Variants in PKHD1 observed in about 807,000 individuals in gnomAD.
The protein encoded by PKHD1 is PKHD1 ciliary IPT domain containing fibrocystin/polyductin.
Under a neutral mutation model 412.0 loss-of-function variants are expected in PKHD1, and 291 were observed. That is an observed-to-expected ratio of 0.71 (90% CI 0.64 to 0.78). The LOEUF (loss-of-function observed/expected upper bound fraction) is 0.78. PKHD1 is among the 30% of genes least tolerant of loss of function. The pLI is 0.00. For missense variants in PKHD1, 4,825 were observed against 4,950.7 expected, an observed-to-expected ratio of 0.97 and a Z score of 0.76; for synonymous variants, 1,777 against 1,821.5, an observed-to-expected ratio of 0.98 and a Z score of 0.62.
At position 52,055,734 on chromosome 6, in the gene PKHD1, A is replaced by C. The variant is rs1279111490; in HGVS notation, c.1694-5T>G. 1 of 1,613,646 alleles carries C rather than the reference A, an allele frequency of 6.2e-7. No homozygotes were observed. Among genetic ancestry groups the C allele is most frequent in the East Asian group, 2.2e-5 (1 of 44,888 alleles). On this transcript the variant is annotated splice_polypyrimidine_tract_variant and splice_region_variant and intron_variant, in intron 18 of 66. Coordinates refer to ENST00000371117, the MANE Select transcript of PKHD1 (RefSeq NM_138694.4). Reference sequence around the variant, plus strand: ...CAGAGTTGGAAACTTCTGGGCCTGGATGCAGTTCAGATAAAATAGAAAGGC... The same window carrying C: ...CAGAGTTGGAAACTTCTGGGCCTGGCTGCAGTTCAGATAAAATAGAAAGGC...
intron 53 of PKHD1, among the ~76,000 whole-genome samples, chr6:51,779,871 T>C (rs1249431164): frequency 6.6e-6 from 1 of 151,994 alleles, no homozygotes; most frequent in Admixed American, 6.6e-5. Context: ...GATGGAAAAC[T>C]AGACCCACAA....
At chr6:51,910,587 A>G (rs1199269638) in intron 39 of PKHD1, among the ~76,000 whole-genome samples, 1 of 152,114 alleles carries the variant, frequency 6.6e-6, no homozygotes, top group African/African-American at 2.4e-5. Context: ...GCAATCAAGG[A>G]TGTTTTCCAT....
intron 52 of PKHD1, among the ~76,000 whole-genome samples, chr6:51,830,478 A>G (rs1478836927): frequency 2.6e-5 from 4 of 152,172 alleles, no homozygotes; most frequent in African/African-American, 9.7e-5. Flanking sequence ...AAATTCCCAA[A>G]GGCAAACCAT....
chr6:51,731,400 T>C (rs1783219445), intron 60 of PKHD1, among the ~76,000 whole-genome samples: 1 of 152,216 alleles, frequency 6.6e-6, no homozygotes, highest in African/African-American at 2.4e-5. Context: ...GAAATGTGAA[T>C]AGATTTCTCA....
At chr6:51,905,728 A>G (rs1158182742) in intron 41 of PKHD1, among the ~76,000 whole-genome samples, 1 of 152,158 alleles carries the variant, frequency 6.6e-6, no homozygotes, top group Non-Finnish European at 1.5e-5. Flanking sequence ...ATTTTTAAGG[A>G]TAATTCTGAG....
intron 43 of PKHD1, among the ~76,000 whole-genome samples, chr6:51,900,687 A>G (rs527741430): frequency 1.3e-5 from 2 of 151,794 alleles, no homozygotes; most frequent in South Asian, 4.2e-4. Context: ...TAATTAAACT[A>G]AAGAGCTTCT....
chr6:52,042,116 G>A (rs2128180796), intron 27 of PKHD1, among the ~76,000 whole-genome samples: 1 of 152,256 alleles, frequency 6.6e-6, no homozygotes, highest in East Asian at 1.9e-4. Context: ...AAATCATGGA[G>A]AAATAAGTGC....
intron 43 of PKHD1, among the ~76,000 whole-genome samples, chr6:51,899,228 C>T (rs75949852): frequency 1.3e-5 from 2 of 151,796 alleles, no homozygotes; most frequent in African/African-American, 2.4e-5. Flanking sequence ...GAGAACTTTA[C>T]ACCAATATCC....
intron 65 of PKHD1, among the ~76,000 whole-genome samples, chr6:51,629,314 A>T (rs1767649108): frequency 6.6e-6 from 1 of 152,154 alleles, no homozygotes; most frequent in Non-Finnish European, 1.5e-5. Context: ...CAAACTATGC[A>T]TCTGACAAAG....
intron 53 of PKHD1, among the ~76,000 whole-genome samples, chr6:51,778,615 T>C (rs1234100943): frequency 6.6e-6 from 1 of 152,052 alleles, no homozygotes; most frequent in Admixed American, 6.6e-5. Context: ...TAAAATCACC[T>C]GGAGAGATGG....
Position 51,847,434 on chromosome 6 carries a change from A to C in PKHD1, c.8107+341T>G, listed in dbSNP as rs138254598. On this transcript the variant is annotated intron_variant, in intron 50 of 66. Coordinates refer to ENST00000371117, the MANE Select transcript of PKHD1 (RefSeq NM_138694.4). ...AAAGATATTATTAGTACTAACTACC[A>C]ATGTCTAGTAAGCATTTTTTGTGGG... is the stretch of plus-strand genomic sequence containing the variant. 5.3e-3 allele frequency among the ~76,000 whole-genome samples: 803 copies of C among 152,214 alleles called. 2 individuals are homozygous for C. Among genetic ancestry groups the C allele is most frequent in the Non-Finnish European group, 7.8e-3 (531 of 68,010 alleles).
chr6:51,869,696 A>T (rs1775666949), intron 47 of PKHD1, among the ~76,000 whole-genome samples: 1 of 152,146 alleles, frequency 6.6e-6, no homozygotes, highest in Non-Finnish European at 1.5e-5. Context: ...AGCACTTGTT[A>T]TGAGGCATTT....
chr6:51,732,831 T>C (rs771234322), intron 60 of PKHD1, among the ~76,000 whole-genome samples: 1 of 152,248 alleles, frequency 6.6e-6, no homozygotes, highest in Non-Finnish European at 1.5e-5. Context: ...GAGATATTTG[T>C]ATACCATATT....
At chr6:51,917,054 G>A (rs1405027912) in intron 37 of PKHD1, among the ~76,000 whole-genome samples, 1 of 151,464 alleles carries the variant, frequency 6.6e-6, no homozygotes, top group Admixed American at 6.6e-5. Context: ...AATCCTTGTG[G>A]GTTAACACAC....
intron 60 of PKHD1, among the ~76,000 whole-genome samples, chr6:51,708,928 G>C (rs1275565355): frequency 6.6e-6 from 1 of 152,188 alleles, no homozygotes; most frequent in East Asian, 1.9e-4. Context: ...AGAAAGGGAA[G>C]AAAGAGCAGG....
intron 60 of PKHD1, among the ~76,000 whole-genome samples, chr6:51,672,845 C>A (rs1041537016): frequency 6.6e-6 from 1 of 152,136 alleles, no homozygotes; most frequent in Non-Finnish European, 1.5e-5. Flanking sequence ...TTGGAAAGAC[C>A]TGAATTATTC....
In PKHD1 at chr6:52,043,718, C is replaced by T. The variant is rs1316712243; in HGVS notation, c.2728G>A (p.Val910Met). The change falls in exon 26 of 67, where the codon GTG becomes ATG. Residue 910 changes from valine to methionine, a missense_variant. Val to Met is a conservative substitution (Grantham distance 21). Coordinates refer to ENST00000371117, the MANE Select transcript of PKHD1 (RefSeq NM_138694.4). ...ANQHTQVVVR[V>M]NDVPAHCPGS... The stretch of plus-strand genomic sequence containing the variant: ...GGGCAATGAGCTGGTACATCATTCA[C>T]TCGCACAACCACCTGAAATGAGGCA... 6 of 1,613,206 alleles carry T rather than the reference C, an allele frequency of 3.7e-6. No individual in the cohort carries two copies. Among genetic ancestry groups the T allele is most frequent in the Non-Finnish European group, 4.2e-6 (5 of 1,179,326 alleles).
chr6:51,899,658 T>A (rs2127603021), intron 43 of PKHD1, among the ~76,000 whole-genome samples: 1 of 151,830 alleles, frequency 6.6e-6, no homozygotes, highest in South Asian at 2.1e-4. Context: ...TGTTGGAAGT[T>A]CTGGCCAGGG....
At chr6:52,017,271 G>T in intron 34 of PKHD1, 139 bp downstream of exon 34, 1 of 726,260 alleles carries the variant, frequency 1.4e-6, no homozygotes, top group Non-Finnish European at 2.5e-6. Context: ...ATCCACAATG[G>T]AATGGCCCCT....
Sources: gnomAD v4.1 joint callset for allele counts (sites outside exome capture counted in the v4.1 genomes callset) on GRCh38, gnomAD v4.1.1 for gene constraint, MANE v1.5 for transcripts, NCBI Gene and HGNC (gene_info 2026-07-23, HGNC 2026-07-21) for gene names.